SAMD5: variants seen among roughly 807,000 people sequenced by gnomAD.
SAMD5 encodes sterile alpha motif domain containing 5.
In SAMD5, 13 loss-of-function variants were observed where a neutral mutation model predicts 11.3. The ratio of observed to expected loss-of-function variants is 1.15; its 90% CI spans 0.75 to 1.83. The LOEUF (loss-of-function observed/expected upper bound fraction) is 1.83. Ranked by LOEUF, SAMD5 falls within the 40% of genes most tolerant of loss-of-function variation. The probability of loss-of-function intolerance (pLI) is 0.00; values close to 1 mark genes in which losing one functional copy is unlikely to be tolerated. For synonymous variants in SAMD5, 129 were observed against 111.3 expected, an observed-to-expected ratio of 1.16 and a Z score of -1.00; for missense variants, 255 against 239.1, an observed-to-expected ratio of 1.07 and a Z score of -0.44.
At chr6:147,628,042 T>C (rs1790084963) in intron 1 of SAMD5, among the ~76,000 whole-genome samples, 1 of 152,242 alleles carries the variant, frequency 6.6e-6, no homozygotes, top group Admixed American at 6.5e-5. Context: ...TTTCAGCCTA[T>C]GAAAACATAT....
At chr6:147,915,010 G>T in the SAMD5 span, among the ~76,000 whole-genome samples, 1 of 152,126 alleles carries the variant, frequency 6.6e-6, no homozygotes, top group Non-Finnish European at 1.5e-5. Context: ...AGACTAAAGA[G>T]ACATGAGAAC....
chr6:147,691,021 T>A (rs1791094876), intron 1 of SAMD5, among the ~76,000 whole-genome samples: 1 of 147,492 alleles, frequency 6.8e-6, no homozygotes, highest in Non-Finnish European at 1.5e-5. Context: ...TGGGATGGAG[T>A]TTCACTCTTG....
chr6:147,802,202 T>C, the SAMD5 span, among the ~76,000 whole-genome samples: 122 of 152,292 alleles, frequency 8.0e-4, no homozygotes, highest in Non-Finnish European at 1.5e-3. Context: ...TGCTATAATG[T>C]ACTTGTACAA....
At chr6:147,937,720 C>G in the SAMD5 span, among the ~76,000 whole-genome samples, 1 of 152,144 alleles carries the variant, frequency 6.6e-6, no homozygotes, top group South Asian at 2.1e-4. Flanking sequence ...TTAAAACTAT[C>G]CTCAGTGCAA....
At chr6:147,859,903 T>C in the SAMD5 span, among the ~76,000 whole-genome samples, 2 of 152,184 alleles carry the variant, frequency 1.3e-5, no homozygotes, top group East Asian at 1.9e-4. Context: ...ATACAATAGA[T>C]GTTACTTATC....
chr6:147,552,629 T>TC (rs1339719503), intron 1 of SAMD5, among the ~76,000 whole-genome samples: 1 of 152,240 alleles, frequency 6.6e-6, no homozygotes, highest in Non-Finnish European at 1.5e-5. Flanking sequence ...CAGTACTTTT[T>TC]CTCAATCAAA....
In SAMD5 at chr6:147,516,279, T is replaced by C. The variant is rs142792859; in HGVS notation, c.459+6892T>C. Among the ~76,000 whole-genome samples, 441 of 152,274 alleles carry C rather than the reference T, an allele frequency of 2.9e-3. 2 individuals carry two copies. Among genetic ancestry groups the C allele is most frequent in the African/African-American group, 0.01 (422 of 41,552 alleles). ...GCCCATCTCCCCGACTAAGAAAATA[T>C]GGCTTCTGGGAGCTATGGCAGCCCA... On this transcript the variant is annotated intron_variant, in intron 1 of 1. Coordinates refer to ENST00000367474, the MANE Select transcript of SAMD5 (RefSeq NM_001030060.3).
the SAMD5 span, among the ~76,000 whole-genome samples, chr6:147,778,448 G>A: frequency 6.6e-6 from 1 of 152,122 alleles, no homozygotes; most frequent in African/African-American, 2.4e-5. Context: ...CAGATTCCAA[G>A]CCCCTCATCC....
chr6:147,661,003 C>T (rs1288403300), intron 1 of SAMD5, among the ~76,000 whole-genome samples: 1 of 152,166 alleles, frequency 6.6e-6, no homozygotes, highest in Non-Finnish European at 1.5e-5. Context: ...CCAAGGTGCT[C>T]AATGAGGTTG....
chr6:147,649,282 T>C (rs1016822547), intron 1 of SAMD5, among the ~76,000 whole-genome samples: 9 of 152,202 alleles, frequency 5.9e-5, no homozygotes, highest in Admixed American at 1.3e-4. Flanking sequence ...ATCATAAGCT[T>C]CAGATGTCTT....
Position 147,515,051 on chromosome 6 carries a change from A to G in SAMD5, c.459+5664A>G, listed in dbSNP as rs117809149. Among the ~76,000 whole-genome samples, 3 of 152,090 alleles carry G rather than the reference A, an allele frequency of 2.0e-5. No homozygotes were observed. In the East Asian group the frequency reaches 5.8e-4, roughly 30 times the overall value. ...GGCAGAAGCTGAAATGGCAATAAAT[A>G]TTCCTCCTCCCAAGAATTCCTTCTG... On this transcript the variant is annotated intron_variant, in intron 1 of 1. Coordinates refer to ENST00000367474, the MANE Select transcript of SAMD5 (RefSeq NM_001030060.3).
At chr6:147,619,707 G>A (rs1789929045) in intron 1 of SAMD5, among the ~76,000 whole-genome samples, 1 of 152,214 alleles carries the variant, frequency 6.6e-6, no homozygotes, top group South Asian at 2.1e-4. Flanking sequence ...CAGTATCAGG[G>A]CCTACAGATA....
intron 1 of SAMD5, among the ~76,000 whole-genome samples, chr6:147,672,550 T>C (rs1235761844): frequency 1.3e-5 from 2 of 152,156 alleles, no homozygotes; most frequent in Non-Finnish European, 2.9e-5. Flanking sequence ...ATAATCATGG[T>C]ATATTTTTAT....
At chr6:147,811,610 A>C in the SAMD5 span, among the ~76,000 whole-genome samples, 1 of 152,120 alleles carries the variant, frequency 6.6e-6, no homozygotes, top group Admixed American at 6.5e-5. Flanking sequence ...GGCTGGGCTG[A>C]TGGTGCTGAT....
intron 1 of SAMD5, among the ~76,000 whole-genome samples, chr6:147,610,400 C>T (rs1789766065): frequency 6.6e-6 from 1 of 152,144 alleles, no homozygotes; most frequent in Non-Finnish European, 1.5e-5. Context: ...GAGCAATTGC[C>T]ATGCCAGGCG....
chr6:147,675,896 CTTCCTTT>C (rs1432061150), intron 1 of SAMD5, among the ~76,000 whole-genome samples: 1 of 152,186 alleles, frequency 6.6e-6, no homozygotes, highest in Non-Finnish European at 1.5e-5. Flanking sequence ...AAGAAATAAA[CTTCCTTT>C]GCATTTTATT....
the SAMD5 span, among the ~76,000 whole-genome samples, chr6:147,744,012 G>A: frequency 1.6e-4 from 25 of 152,202 alleles, no homozygotes; most frequent in African/African-American, 6.0e-4. Flanking sequence ...TATCAAGAAA[G>A]CAGAGAGGCT....
intron 1 of SAMD5, among the ~76,000 whole-genome samples, chr6:147,613,928 G>T (rs1292508849): frequency 6.6e-6 from 1 of 151,966 alleles, no homozygotes; most frequent in African/African-American, 2.4e-5. Context: ...TATCCTTCTG[G>T]TGAGTGCTCT....
At chr6:147,611,819 T>C (rs1417315080) in intron 1 of SAMD5, among the ~76,000 whole-genome samples, 2 of 151,932 alleles carry the variant, frequency 1.3e-5, no homozygotes, top group East Asian at 3.9e-4. Context: ...CTCAGGGAGG[T>C]TGCCTAGAAC....
Sources: gnomAD v4.1 joint callset for allele counts (sites outside exome capture counted in the v4.1 genomes callset) on GRCh38, gnomAD v4.1.1 for gene constraint, MANE v1.5 for transcripts, NCBI Gene and HGNC (gene_info 2026-07-23, HGNC 2026-07-21) for gene names.